BRIP1: variants seen among roughly 807,000 people sequenced by gnomAD.
BRIP1 encodes BRCA1 interacting DNA helicase 1.
A neutral mutation model predicts 119.7 loss-of-function variants in BRIP1; 88 were observed. The ratio of observed to expected loss-of-function variants is 0.74; its 90% CI spans 0.62 to 0.88. The LOEUF (loss-of-function observed/expected upper bound fraction) is 0.88. BRIP1 is among the 40% of genes least tolerant of loss of function. The pLI is 0.00. For missense variants in BRIP1, 1,259 were observed against 1,455.4 expected (o/e 0.87, Z 2.20); for synonymous variants, 443 against 496.5 (o/e 0.89, Z 1.43).
chr17:61,800,428 T>C (rs1170682824), intron 8 of BRIP1, among the ~76,000 whole-genome samples: 3 of 152,082 alleles, frequency 2.0e-5, no homozygotes, highest in Non-Finnish European at 2.9e-5. Flanking sequence ...AAAGCAAAGA[T>C]AGAGTAAAGA....
rs896990967 is a variant in BRIP1, at chr17:61,843,620, C to T, written c.627+3481G>A. On this transcript the variant is annotated intron_variant, in intron 6 of 19. Transcript: ENST00000259008. The surrounding 1 kb of genome is among the most constrained non-coding windows in gnomAD (Gnocchi z 5.7). ...TTAAAACAGTGTGGAACCTCCTCTG[C>T]TCTCTCCTCTGTCCTCTCTTTCCAT... 2.0e-5 allele frequency among the ~76,000 whole-genome samples: 3 copies of T among 152,050 alleles called. No individual in the cohort carries two copies. The highest frequency in any genetic ancestry group is 4.4e-5 in the Non-Finnish European group (3 of 68,020).
chr17:61,804,159 G>A lies in BRIP1; in HGVS notation c.919-2685C>T, dbSNP rs761642996. Among the ~76,000 whole-genome samples, 2 of 151,944 alleles carry A rather than the reference G, an allele frequency of 1.3e-5. No homozygotes were observed. The highest frequency in any genetic ancestry group is 2.9e-5 in the Non-Finnish European group (2 of 67,976). On this transcript the variant is annotated intron_variant, in intron 7 of 19. Coordinates refer to ENST00000259008, the MANE Select transcript of BRIP1 (RefSeq NM_032043.3). This position sits in a 1 kb window ranked among gnomAD's most constrained non-coding sequence, Gnocchi z 4.5. ...ACCTTAAAGGATTAAGGAGATGGAG[G>A]ATCTAGAAAAAGCCTCTCTTTTCAT... is the stretch of plus-strand genomic sequence containing the variant.
At chr17:61,692,362 C>T (rs571038169) in intron 18 of BRIP1, among the ~76,000 whole-genome samples, 2 of 152,148 alleles carry the variant, frequency 1.3e-5, no homozygotes, top group East Asian at 3.9e-4. Context: ...TCAGCAGAGT[C>T]AAAAGGCAGC....
rs1177018166 is a variant in BRIP1, at chr17:61,775,542, TA to T, written c.2097+858del. Among the ~76,000 whole-genome samples the T allele has an allele frequency of 2.6e-5, 4 of 152,196 alleles. No individual in the cohort carries two copies. Among genetic ancestry groups the T allele is most frequent in the Non-Finnish European group, 5.9e-5 (4 of 68,038 alleles). ...GTTAGATTTTGATGCAATGTGATGT[TA>T]CTTTCAGGAATTATAAGTGGTTTCA... On this transcript the variant is annotated intron_variant, in intron 14 of 19. Transcript: ENST00000259008. The surrounding 1 kb of genome is among the most constrained non-coding windows in gnomAD (Gnocchi z 4.4).
chr17:61,821,345 G>A (rs111230142), intron 6 of BRIP1, among the ~76,000 whole-genome samples: 3,378 of 152,216 alleles, frequency 0.022, 64 homozygotes, highest in Non-Finnish European at 0.032. Context: ...TAGAAAGGCA[G>A]GGTGTTGCAA....
At position 61,767,689 on chromosome 17, in the gene BRIP1, C is replaced by T. The variant is rs1244217138; in HGVS notation, c.2097+8712G>A. The stretch of plus-strand genomic sequence containing the variant: ...AGGCAATCCACCCACCTTGGCCTCC[C>T]AAAGTGCTGGGATTACAGGTGTGAG... On this transcript the variant is annotated intron_variant, in intron 14 of 19. Transcript: ENST00000259008. The surrounding 1 kb of genome is among the most constrained non-coding windows in gnomAD (Gnocchi z 5.7). Among the ~76,000 whole-genome samples, 1 of 152,154 alleles carries T rather than the reference C, an allele frequency of 6.6e-6. No individual in the cohort carries two copies. Among genetic ancestry groups the T allele is most frequent in the African/African-American group, 2.4e-5 (1 of 41,456 alleles).
At position 61,695,064 on chromosome 17, in the gene BRIP1, TTC is replaced by T. The variant is rs1326833307; in HGVS notation, c.2493-1554_2493-1553del. On this transcript the variant is annotated intron_variant, in intron 17 of 19. Coordinates refer to ENST00000259008, the MANE Select transcript of BRIP1 (RefSeq NM_032043.3). This position sits in a 1 kb window ranked among gnomAD's most constrained non-coding sequence, Gnocchi z 4.3. ...CTGCTTTTTCTTTGGTTGCTTGTGC[TTC>T]TGATAGCAGATCTAAGAAACTATTG... Among the ~76,000 whole-genome samples, 1 of 152,094 alleles carries T rather than the reference TTC, an allele frequency of 6.6e-6. No individual in the cohort carries two copies. The highest frequency in any genetic ancestry group is 1.5e-5 in the Non-Finnish European group (1 of 67,944).
intron 6 of BRIP1, among the ~76,000 whole-genome samples, chr17:61,833,748 C>T (rs1228243007): frequency 3.3e-5 from 5 of 151,788 alleles, no homozygotes; most frequent in Non-Finnish European, 7.4e-5. Flanking sequence ...TATCATCCTA[C>T]CCCTAGGCAA....
At chr17:61,718,978 T>C (rs2061927582) in intron 16 of BRIP1, among the ~76,000 whole-genome samples, 1 of 152,200 alleles carries the variant, frequency 6.6e-6, no homozygotes, top group Non-Finnish European at 1.5e-5. Context: ...GTTTAGGGAA[T>C]AATGACAAGA....
rs1363198384 is a variant in BRIP1 at position 61,803,159 on chromosome 17, A to G, written c.919-1685T>C. On this transcript the variant is annotated intron_variant, in intron 7 of 19. Transcript: ENST00000259008. This position sits in a 1 kb window ranked among gnomAD's most constrained non-coding sequence, Gnocchi z 4.3. ...ACCTGGGGTGCAGTGGCACGATCCA[A>G]TCTTGGTTCACTGCAACCTCCGCCT... Among the ~76,000 whole-genome samples the G allele has an allele frequency of 1.3e-5, 2 of 151,774 alleles. No individual in the cohort carries two copies. The highest frequency in any genetic ancestry group is 2.9e-5 in the Non-Finnish European group (2 of 67,962).
rs35235448 is a variant in BRIP1 at position 61,680,181 on chromosome 17, T to TA, written c.*3114dup. 0.027 allele frequency among the ~76,000 whole-genome samples: 3,458 copies of TA among 127,904 alleles called. 73 individuals are homozygous for TA. Among genetic ancestry groups the TA allele is most frequent in the African/African-American group, 0.055 (1,893 of 34,486 alleles). 83.9% of individuals were successfully genotyped at this position (127,904 alleles called of 152,430 possible). Reference sequence around the variant, plus strand: ...AACATGGTGAAACCCTGTCGATACTTAAAAAAAAAAAAAAAAAAAAATTAG... The same window carrying TA: ...AACATGGTGAAACCCTGTCGATACTTAAAAAAAAAAAAAAAAAAAAAATTAG... On this transcript the variant is annotated 3_prime_UTR_variant, in exon 20 of 20. Transcript: ENST00000259008.
rs2144082920 is a variant in BRIP1 at position 61,683,793 on chromosome 17, T to C, written c.3253A>G (p.Arg1085Gly). ...SSLKIDATLTRKNHSEHPLCS... is the reference protein window; with the variant it reads ...SSLKIDATLTGKNHSEHPLCS... ...AGCGGATGTTCAGAATGATTTTTTC[T>C]AGTAAGGGTGGCATCAATCTTTAAT... Residue 1085 changes from arginine to glycine, a missense_variant, in exon 20 of 20, where the codon AGA becomes GGA. Transcript: ENST00000259008. This position sits in a 1 kb window ranked among gnomAD's most constrained non-coding sequence, Gnocchi z 4.7. 1 of 1,614,224 alleles carries C rather than the reference T, an allele frequency of 6.2e-7. No homozygotes were observed. Among genetic ancestry groups the C allele is most frequent in the Non-Finnish European group, 8.5e-7 (1 of 1,180,040 alleles).
In BRIP1 at chr17:61,768,663, T is replaced by TA. The variant is rs1472116526; in HGVS notation, c.2097+7737dup. On this transcript the variant is annotated intron_variant, in intron 14 of 19. Coordinates refer to ENST00000259008, the MANE Select transcript of BRIP1 (RefSeq NM_032043.3). This position sits in a 1 kb window ranked among gnomAD's most constrained non-coding sequence, Gnocchi z 5.0. The stretch of plus-strand genomic sequence containing the variant: ...TACCCTGATAAATTAACCCCTGTGA[T>TA]AAAAAGTTTATGATAGCCCCTAAGA... 6.6e-6 allele frequency among the ~76,000 whole-genome samples: 1 copy of TA among 152,272 alleles called. No homozygotes were observed. The highest frequency in any genetic ancestry group is 2.1e-4 in the South Asian group (1 of 4,820).
rs1165171540 is a variant in BRIP1, at chr17:61,856,408, A to T, written c.379+650T>A. 6.6e-6 allele frequency among the ~76,000 whole-genome samples: 1 copy of T among 152,208 alleles called. No individual in the cohort carries two copies. Among genetic ancestry groups the T allele is most frequent in the Non-Finnish European group, 1.5e-5 (1 of 68,046 alleles). ...TTGGATGCTCTAAACAAGAAATGGTAGTTTGGACTATGGAGGTACCAATGG... is the reference window on the plus strand; with the variant it reads ...TTGGATGCTCTAAACAAGAAATGGTTGTTTGGACTATGGAGGTACCAATGG... On this transcript the variant is annotated intron_variant, in intron 4 of 19. Coordinates refer to ENST00000259008, the MANE Select transcript of BRIP1 (RefSeq NM_032043.3). This position sits in a 1 kb window ranked among gnomAD's most constrained non-coding sequence, Gnocchi z 5.1.
At chr17:61,855,359 C>T (rs1207089077) in intron 4 of BRIP1, among the ~76,000 whole-genome samples, 6 of 152,140 alleles carry the variant, frequency 3.9e-5, no homozygotes. Flanking sequence ...AGGTGAGTAA[C>T]TTGAGGTCAG....
intron 6 of BRIP1, among the ~76,000 whole-genome samples, chr17:61,812,903 A>G (rs1194891081): frequency 6.6e-6 from 1 of 152,168 alleles, no homozygotes; most frequent in East Asian, 1.9e-4. Flanking sequence ...TATAATTATA[A>G]GTTCAAACGG....
chr17:61,739,489 C>A lies in BRIP1; in HGVS notation c.2379+3524G>T, dbSNP rs1221281652. ...GACTCTGAATCATCAAGTGAGATAC[C>A]CCCTGAGGACTTTCAGAAATTTTGA... On this transcript the variant is annotated intron_variant, in intron 16 of 19. Transcript: ENST00000259008. The surrounding 1 kb of genome is among the most constrained non-coding windows in gnomAD (Gnocchi z 6.0). 3 of 178,562 alleles carry A rather than the reference C, an allele frequency of 1.7e-5. No homozygotes were observed. In the East Asian group the frequency reaches 2.8e-4, roughly 17 times the overall value. The allele number at this position is 178,562 out of a possible 1,614,324, so 11.1% of individuals were successfully genotyped here. A position where few individuals can be genotyped will look rare whatever the true frequency, so the allele number is the denominator to read the frequency against.
chr17:61,720,149 G>C lies in BRIP1; in HGVS notation c.2380-4086C>G, dbSNP rs988923531. ...CTGCGTCTGGCTGAGATTTGTTAAA[G>C]GATATAAAGTTACAGCTAGATAGAA... On this transcript the variant is annotated intron_variant, in intron 16 of 19. Transcript: ENST00000259008. The surrounding 1 kb of genome is among the most constrained non-coding windows in gnomAD (Gnocchi z 4.3). Among the ~76,000 whole-genome samples, 1 of 151,986 alleles carries C rather than the reference G, an allele frequency of 6.6e-6. No individual in the cohort carries two copies. Among genetic ancestry groups the C allele is most frequent in the African/African-American group, 2.4e-5 (1 of 41,380 alleles).
At chr17:61,765,407 A>G (rs866312764) in intron 14 of BRIP1, among the ~76,000 whole-genome samples, 1 of 13,244 alleles carries the variant, frequency 7.6e-5, no homozygotes, top group Non-Finnish European at 1.4e-4. Flanking sequence ...ATATATATAT[A>G]TATATATATA....
Sources: gnomAD v4.1 joint callset for allele counts (sites outside exome capture counted in the v4.1 genomes callset) on GRCh38, gnomAD v4.1.1 for gene constraint, Gnocchi (gnomAD v3.1) non-coding constraint, MANE v1.5 for transcripts, NCBI Gene and HGNC (gene_info 2026-07-23, HGNC 2026-07-21) for gene names.